THSD7B: variants seen among roughly 807,000 people sequenced by gnomAD.
THSD7B encodes the protein thrombospondin type-1 domain-containing protein 7B.
In THSD7B, 138 loss-of-function variants were observed where a neutral mutation model predicts 213.6. That is an observed-to-expected ratio of 0.65 (90% CI 0.56 to 0.74). The LOEUF (loss-of-function observed/expected upper bound fraction) is 0.74. Ranked by LOEUF, THSD7B falls within the 30% of genes least tolerant of loss-of-function variation. The pLI is 0.00. For synonymous variants in THSD7B, 742 were observed against 687.0 expected (o/e 1.08, Z -1.25); for missense variants, 1,931 against 1,991.5 (o/e 0.97, Z 0.58).
intron 12 of THSD7B, among the ~76,000 whole-genome samples, chr2:137,288,368 A>C (rs1683233689): frequency 6.6e-6 from 1 of 152,146 alleles, no homozygotes; most frequent in Non-Finnish European, 1.5e-5. Flanking sequence ...GGGAGTGAGA[A>C]TTTAAAACCT....
At chr2:137,638,378 T>G (rs1041199719) in intron 20 of THSD7B, among the ~76,000 whole-genome samples, 2 of 152,170 alleles carry the variant, frequency 1.3e-5, no homozygotes, top group African/African-American at 4.8e-5. Context: ...TCCTCATTTT[T>G]CTCTTGTTAC....
Position 137,546,474 on chromosome 2 carries a change from AT to A in THSD7B, c.3139-16746del, listed in dbSNP as rs1482158175. 1.2e-4 allele frequency among the ~76,000 whole-genome samples: 7 copies of A among 58,968 alleles called. 1 individual carries two copies. The highest frequency in any genetic ancestry group is 9.9e-4 in the East Asian group (2 of 2,012). 38.7% of individuals were successfully genotyped at this position (58,968 alleles called of 152,430 possible). A position where few individuals can be genotyped will look rare whatever the true frequency, so the allele number is the denominator to read the frequency against. On this transcript the variant is annotated intron_variant, in intron 15 of 27. Coordinates refer to ENST00000409968, the MANE Select transcript of THSD7B (RefSeq NM_001316349.2). ...TATATATTATATATAATATATATAT[AT>A]ATAATATATATATATATATATTAAC...
At chr2:136,952,821 T>C (rs1021734921) in intron 2 of THSD7B, among the ~76,000 whole-genome samples, 2 of 152,188 alleles carry the variant, frequency 1.3e-5, no homozygotes, top group Admixed American at 6.5e-5. Context: ...TTTGGATCTC[T>C]AGAGATACTC....
At chr2:137,216,827 A>G (rs1261978751) in intron 7 of THSD7B, among the ~76,000 whole-genome samples, 1 of 152,212 alleles carries the variant, frequency 6.6e-6, no homozygotes, top group Non-Finnish European at 1.5e-5. Context: ...CATAGGCTCC[A>G]GCTGCCAATG....
chr2:136,948,129 G>C (rs1357892175), intron 2 of THSD7B, among the ~76,000 whole-genome samples: 1 of 151,702 alleles, frequency 6.6e-6, no homozygotes, highest in African/African-American at 2.4e-5. Flanking sequence ...TTTTTTAAAT[G>C]ACTAAACCTA....
At chr2:137,334,170 TTC>T (rs139280559) in intron 12 of THSD7B, among the ~76,000 whole-genome samples, 2,021 of 148,872 alleles carry the variant, frequency 0.014, 25 homozygotes, top group African/African-American at 0.032. Context: ...CTTTCTCTCT[TTC>T]TCTCTCTCTC....
At chr2:137,183,350 TA>T (rs889364517) in intron 7 of THSD7B, among the ~76,000 whole-genome samples, 1 of 152,092 alleles carries the variant, frequency 6.6e-6, no homozygotes, top group Non-Finnish European at 1.5e-5. Context: ...TTTTGAGGGT[TA>T]AAAAAGATAA....
intron 14 of THSD7B, among the ~76,000 whole-genome samples, chr2:137,416,477 TA>T (rs1686802314): frequency 6.6e-6 from 1 of 152,220 alleles, no homozygotes; most frequent in Non-Finnish European, 1.5e-5. Context: ...TAACTTTATT[TA>T]AAACATCCAT....
intron 10 of THSD7B, among the ~76,000 whole-genome samples, chr2:137,269,547 A>G (rs2196344): frequency 0.23 from 35,203 of 152,100 alleles, 4,932 homozygotes; most frequent in South Asian, 0.43. Context: ...ACAGACTCCT[A>G]AGGTAATATT....
intron 12 of THSD7B, among the ~76,000 whole-genome samples, chr2:137,348,246 C>T (rs1390337605): frequency 6.6e-6 from 1 of 151,652 alleles, no homozygotes. Context: ...GCAGATTACA[C>T]AAGGTGGTGT....
chr2:137,050,617 T>G (rs1687054530), intron 2 of THSD7B, among the ~76,000 whole-genome samples: 1 of 152,236 alleles, frequency 6.6e-6, no homozygotes, highest in Admixed American at 6.5e-5. Flanking sequence ...TGAACTACCT[T>G]TATAAGTAAA....
At chr2:137,050,329 A>C (rs1687046141) in intron 2 of THSD7B, among the ~76,000 whole-genome samples, 1 of 152,206 alleles carries the variant, frequency 6.6e-6, no homozygotes, top group Non-Finnish European at 1.5e-5. Flanking sequence ...AAGTGGTTCA[A>C]ATACATGTCT....
intron 10 of THSD7B, among the ~76,000 whole-genome samples, chr2:137,263,747 T>A (rs1682508341): frequency 1.3e-5 from 2 of 152,068 alleles, no homozygotes; most frequent in African/African-American, 4.8e-5. Context: ...GGGAGAGAAT[T>A]TTAGGGGAAG....
At chr2:137,159,267 A>G (rs1013216815) in intron 5 of THSD7B, among the ~76,000 whole-genome samples, 2 of 151,924 alleles carry the variant, frequency 1.3e-5, no homozygotes, top group Admixed American at 6.6e-5. Flanking sequence ...CCTTCTCTCT[A>G]CAAAAAGCAA....
chr2:137,023,701 A>T (rs1455793878), intron 2 of THSD7B, among the ~76,000 whole-genome samples: 3 of 152,132 alleles, frequency 2.0e-5, no homozygotes. Context: ...CGAGGACAGG[A>T]GTCCTCAGAT....
chr2:136,881,387 C>T lies in THSD7B; in HGVS notation c.-35-757C>T, dbSNP rs563261056. Reference sequence around the variant, plus strand: ...CTCTGCTTTTAAGAATAAAATATACCGACACAGAGACTGTGGAGTCCATAG... The same window carrying T: ...CTCTGCTTTTAAGAATAAAATATACTGACACAGAGACTGTGGAGTCCATAG... On this transcript the variant is annotated intron_variant, in intron 1 of 27. Coordinates refer to ENST00000409968, the MANE Select transcript of THSD7B (RefSeq NM_001316349.2). Among the ~76,000 whole-genome samples the T allele has an allele frequency of 7.9e-5, 12 of 152,126 alleles. No homozygotes were observed. In the East Asian group the frequency reaches 1.4e-3, roughly 17 times the overall value.
rs144531461 is a variant in THSD7B, at chr2:137,608,839, G to C, written c.3424-7336G>C. 8.2e-4 allele frequency among the ~76,000 whole-genome samples: 125 copies of C among 152,306 alleles called. 1 individual carries two copies. The East Asian group carries it at 0.019, about 23-fold the overall frequency. On this transcript the variant is annotated intron_variant, in intron 17 of 27. Transcript: ENST00000409968. ...ATAGGAAGAGACAGTCTTCACTGAAGGACCCCAGAAATCTGAACCTCCGGC... is the reference window on the plus strand; with the variant it reads ...ATAGGAAGAGACAGTCTTCACTGAACGACCCCAGAAATCTGAACCTCCGGC...
chr2:137,138,336 G>A (rs936738083), intron 5 of THSD7B, among the ~76,000 whole-genome samples: 30 of 152,214 alleles, frequency 2.0e-4, no homozygotes, highest in Non-Finnish European at 2.6e-4. Context: ...ACCACTTTAT[G>A]CACCTGCCAG....
At chr2:136,784,595 T>A (rs1343603366) in intron 1 of THSD7B, among the ~76,000 whole-genome samples, 1 of 152,200 alleles carries the variant, frequency 6.6e-6, no homozygotes, top group Non-Finnish European at 1.5e-5. Flanking sequence ...GAAATTCAAT[T>A]TTAATAAATG....
Sources: allele counts gnomAD v4.1 joint callset (sites outside exome capture counted in the v4.1 genomes callset), GRCh38; gene constraint gnomAD v4.1.1; transcripts MANE v1.5; gene names NCBI Gene and HGNC (gene_info 2026-07-23, HGNC 2026-07-21).